The following NTN1 variants were observed in gnomAD, a reference collection of about 807,000 sequenced individuals.
The protein encoded by NTN1 is netrin-1.
NTN1 carries 11 observed loss-of-function variants against 54.2 expected under a neutral mutation model. The observed-to-expected ratio is 0.20, with a 90% CI of 0.13 to 0.34. The LOEUF is 0.34. NTN1 is among the 10% of genes least tolerant of loss of function. The pLI, the probability that NTN1 is intolerant of heterozygous loss-of-function variation, is 1.00. For synonymous variants in NTN1, 371 were observed against 382.0 expected (o/e 0.97, Z 0.33); for missense variants, 740 against 893.1 (o/e 0.83, Z 2.18).
At chr17:9,115,873 G>C (rs1475702193) in intron 2 of NTN1, among the ~76,000 whole-genome samples, 4 of 152,260 alleles carry the variant, frequency 2.6e-5, no homozygotes. Context: ...CTCCGAGGCC[G>C]TGGAGGAAGG....
chr17:9,193,662 C>T (rs1379707852), intron 5 of NTN1, among the ~76,000 whole-genome samples: 1 of 152,186 alleles, frequency 6.6e-6, no homozygotes, highest in Non-Finnish European at 1.5e-5. Flanking sequence ...GTGGCTCACG[C>T]CTGTAATCCC....
Position 9,054,284 on chromosome 17 carries a change from A to C in NTN1, c.1018+30893A>C, listed in dbSNP as rs1000245016. Among the ~76,000 whole-genome samples, 6 of 152,302 alleles carry C rather than the reference A, an allele frequency of 3.9e-5. No homozygotes were observed. The South Asian group carries it at 6.2e-4, about 16-fold the overall frequency. On this transcript the variant is annotated intron_variant, in intron 2 of 6. Transcript: ENST00000173229. ...CACAGAGTGGATCCCCGAAGAGCCG[A>C]GATGTTAACTTCAGGAGGAATCACT...
At chr17:9,070,531 C>G (rs992068546) in intron 2 of NTN1, among the ~76,000 whole-genome samples, 3 of 151,378 alleles carry the variant, frequency 2.0e-5, no homozygotes, top group Non-Finnish European at 4.4e-5. Flanking sequence ...GGACCTTAGT[C>G]TCCTGCCCTA....
chr17:9,206,092 G>A (rs145107602), intron 5 of NTN1, among the ~76,000 whole-genome samples: 174 of 152,268 alleles, frequency 1.1e-3, no homozygotes, highest in African/African-American at 3.8e-3. Context: ...GGGTGACTTC[G>A]CGGTAGAAGC....
intron 6 of NTN1, among the ~76,000 whole-genome samples, chr17:9,238,126 AGT>A (rs796074246): frequency 5.3e-5 from 8 of 152,206 alleles, no homozygotes; most frequent in African/African-American, 1.9e-4. Context: ...GCAGGAGCAG[AGT>A]GGCCCCCAGA....
rs754635697 is a variant in NTN1, at chr17:9,221,151, C to CA, written c.1412-17_1412-16insA. 17 of 1,519,012 alleles carry CA rather than the reference C, an allele frequency of 1.1e-5. No homozygotes were observed. The highest frequency in any genetic ancestry group is 2.9e-5 in the African/African-American group (2 of 67,816). The allele number at this position is 1,519,012 out of a possible 1,614,324, so 94.1% of individuals were successfully genotyped here. ...CTAATTAGTTTTTGTCTGTGCTCCCCCCCCACCCCCCTGCAGACTGCGATT... is the reference window on the plus strand; with the variant it reads ...CTAATTAGTTTTTGTCTGTGCTCCCCACCCCACCCCCCTGCAGACTGCGATT... On this transcript the variant is annotated splice_polypyrimidine_tract_variant and intron_variant, in intron 5 of 6. Coordinates refer to ENST00000173229, the MANE Select transcript of NTN1 (RefSeq NM_004822.3). This position sits in a 1 kb window ranked among gnomAD's most constrained non-coding sequence, Gnocchi z 4.5.
At chr17:9,190,518 A>G (rs1169623891) in intron 5 of NTN1, among the ~76,000 whole-genome samples, 2 of 152,228 alleles carry the variant, frequency 1.3e-5, no homozygotes, top group African/African-American at 4.8e-5. Context: ...TGAGTGTGGT[A>G]CTGGTGTAGG....
chr17:9,045,816 AAGAAAAAG>A (rs2091939826), intron 2 of NTN1, among the ~76,000 whole-genome samples: 1 of 152,226 alleles, frequency 6.6e-6, no homozygotes, highest in African/African-American at 2.4e-5. Flanking sequence ...AAGATTGGTC[AAGAAAAAG>A]AGGAGGCACA....
At chr17:9,225,044 C>G (rs538297100) in intron 6 of NTN1, among the ~76,000 whole-genome samples, 3 of 152,006 alleles carry the variant, frequency 2.0e-5, no homozygotes, top group Non-Finnish European at 4.4e-5. Flanking sequence ...GGGCGGATCA[C>G]GAGGTCAGGA....
chr17:9,181,327 G>A (rs904581424), intron 4 of NTN1, among the ~76,000 whole-genome samples: 1 of 152,176 alleles, frequency 6.6e-6, no homozygotes, highest in Non-Finnish European at 1.5e-5. Context: ...GGGCAGCCAT[G>A]GGCCCTGTGT....
At chr17:9,213,641 A>T (rs891379927) in intron 5 of NTN1, among the ~76,000 whole-genome samples, 38 of 152,206 alleles carry the variant, frequency 2.5e-4, no homozygotes, top group African/African-American at 9.2e-4. Context: ...CTGCTTTTTT[A>T]AAGTTGCAAA....
chr17:9,206,188 C>T (rs1394983055), intron 5 of NTN1, among the ~76,000 whole-genome samples: 5 of 152,192 alleles, frequency 3.3e-5, no homozygotes, highest in Admixed American at 6.5e-5. Context: ...TGTCCAGGAG[C>T]TGGTTCAGCC....
At chr17:9,038,636 T>C (rs556939439) in intron 2 of NTN1, among the ~76,000 whole-genome samples, 2 of 152,192 alleles carry the variant, frequency 1.3e-5, no homozygotes, top group South Asian at 4.2e-4. Flanking sequence ...TCAGTCAGTC[T>C]TTCCCCTTTC....
chr17:9,034,765 G>A (rs149221567), intron 2 of NTN1, among the ~76,000 whole-genome samples: 1 of 152,018 alleles, frequency 6.6e-6, no homozygotes, highest in East Asian at 1.9e-4. Flanking sequence ...TGTAACACAT[G>A]TAGAGAAAAT....
intron 2 of NTN1, among the ~76,000 whole-genome samples, chr17:9,161,744 C>T (rs536452562): frequency 1.2e-4 from 18 of 152,336 alleles, no homozygotes; most frequent in African/African-American, 4.1e-4. Context: ...GGCCACTGCA[C>T]TCCAGCCTGG....
intron 3 of NTN1, chr17:9,175,148 C>T (rs1385495724): frequency 6.6e-6 from 1 of 152,218 alleles, no homozygotes; most frequent in South Asian, 2.1e-4. Context: ...GAGTGTGTCT[C>T]CTCCCTGGCA....
At chr17:9,057,793 G>A (rs573568604) in intron 2 of NTN1, among the ~76,000 whole-genome samples, 2 of 152,254 alleles carry the variant, frequency 1.3e-5, no homozygotes, top group Admixed American at 6.5e-5. Flanking sequence ...CATGAGAATC[G>A]TATTTTTACA....
intron 2 of NTN1, among the ~76,000 whole-genome samples, chr17:9,043,466 T>A (rs1204912796): frequency 2.6e-5 from 4 of 152,216 alleles, no homozygotes; most frequent in African/African-American, 9.6e-5. Context: ...AGGGCCGGAA[T>A]TAAAAAGGAT....
At chr17:9,050,998 A>G (rs2091958840) in intron 2 of NTN1, among the ~76,000 whole-genome samples, 1 of 152,132 alleles carries the variant, frequency 6.6e-6, no homozygotes, top group Admixed American at 6.6e-5. Context: ...GCAAGGAGCC[A>G]TCGAAGCCCC....
Sources: allele counts gnomAD v4.1 joint callset (sites outside exome capture counted in the v4.1 genomes callset), GRCh38; gene constraint gnomAD v4.1.1; non-coding constraint Gnocchi (gnomAD v3.1); transcripts MANE v1.5; gene names NCBI Gene and HGNC (gene_info 2026-07-23, HGNC 2026-07-21).